The following RBM47 variants were observed in gnomAD, a reference collection of about 807,000 sequenced individuals.
The protein encoded by RBM47 is RNA-binding protein 47.
In RBM47, 21 loss-of-function variants were observed where a neutral mutation model predicts 47.1. The ratio of observed to expected loss-of-function variants is 0.45; its 90% CI spans 0.32 to 0.64. RBM47 has a LOEUF of 0.64. Ranked by LOEUF, RBM47 falls within the 30% of genes least tolerant of loss-of-function variation. The pLI, the probability that RBM47 is intolerant of heterozygous loss-of-function variation, is 0.05. For missense variants in RBM47, 708 were observed against 870.9 expected (o/e 0.81, Z 2.35); for synonymous variants, 375 against 361.7 (o/e 1.04, Z -0.42).
intron 2 of RBM47, among the ~76,000 whole-genome samples, chr4:40,507,966 T>C (rs1464385671): frequency 6.6e-6 from 1 of 151,976 alleles, no homozygotes; most frequent in African/African-American, 2.4e-5. Context: ...CTTGGGAGGC[T>C]GAGGCAGGAG....
At chr4:40,487,752 ATAT>A (rs147386568) in intron 2 of RBM47, among the ~76,000 whole-genome samples, 3,722 of 152,302 alleles carry the variant, frequency 0.024, 108 homozygotes, top group African/African-American at 0.068. Context: ...TGTTATTAAT[ATAT>A]TATTGATTAT....
At chr4:40,507,120 CA>C (rs1330691813) in intron 2 of RBM47, among the ~76,000 whole-genome samples, 1 of 151,848 alleles carries the variant, frequency 6.6e-6, no homozygotes, top group Non-Finnish European at 1.5e-5. Flanking sequence ...CCACATCTGA[CA>C]AATTTGTATA....
intron 3 of RBM47, among the ~76,000 whole-genome samples, chr4:40,448,658 CA>C (rs1714927981): frequency 6.6e-6 from 1 of 152,178 alleles, no homozygotes; most frequent in East Asian, 1.9e-4. Context: ...TCTCCTCAGG[CA>C]AATCACCTTA....
chr4:40,449,839 C>G (rs1241606981), intron 3 of RBM47, among the ~76,000 whole-genome samples: 1 of 150,098 alleles, frequency 6.7e-6, no homozygotes, highest in Non-Finnish European at 1.5e-5. Context: ...CCACCACGCC[C>G]AGCTAAGTTT....
chr4:40,569,534 C>T (rs1028059455), intron 1 of RBM47, among the ~76,000 whole-genome samples: 7 of 151,340 alleles, frequency 4.6e-5, no homozygotes, highest in Admixed American at 6.6e-5. Context: ...CTCAGCCTCC[C>T]GAGTAGCTGG....
chr4:40,521,049 A>C (rs755993815), intron 2 of RBM47, among the ~76,000 whole-genome samples: 18 of 152,194 alleles, frequency 1.2e-4, no homozygotes, highest in Non-Finnish European at 2.1e-4. Context: ...AAAGTATACT[A>C]GTAATTGTGG....
chr4:40,523,469 G>A (rs1726404785), intron 2 of RBM47, among the ~76,000 whole-genome samples: 1 of 152,008 alleles, frequency 6.6e-6, no homozygotes, highest in African/African-American at 2.4e-5. Flanking sequence ...CGGCCAACAT[G>A]GTGAAACCCT....
chr4:40,474,512 A>G (rs1719339602), intron 2 of RBM47, among the ~76,000 whole-genome samples: 1 of 152,236 alleles, frequency 6.6e-6, no homozygotes, highest in Non-Finnish European at 1.5e-5. Flanking sequence ...TCAAAATAAG[A>G]AAATGGAATC....
intron 3 of RBM47, among the ~76,000 whole-genome samples, chr4:40,463,109 A>C (rs1717416275): frequency 6.6e-6 from 1 of 152,230 alleles, no homozygotes; most frequent in Non-Finnish European, 1.5e-5. Context: ...AAAAGCAAAC[A>C]AGCTAATTTA....
intron 1 of RBM47, among the ~76,000 whole-genome samples, chr4:40,611,122 G>C (rs1017132983): frequency 6.6e-6 from 1 of 152,102 alleles, no homozygotes; most frequent in Non-Finnish European, 1.5e-5. Flanking sequence ...TGATGCTACC[G>C]ATTCCTATCA....
chr4:40,596,534 C>T (rs1309116489), intron 1 of RBM47, among the ~76,000 whole-genome samples: 1 of 152,100 alleles, frequency 6.6e-6, no homozygotes, highest in African/African-American at 2.4e-5. Context: ...GTTTGAGTGG[C>T]TACTACTCAA....
intron 2 of RBM47, among the ~76,000 whole-genome samples, chr4:40,479,994 T>TG (rs11454360): frequency 1.3e-5 from 2 of 150,354 alleles, no homozygotes; most frequent in Non-Finnish European, 3.0e-5. Flanking sequence ...TTTTTTTTTT[T>TG]GAGACGGAGT....
chr4:40,609,077 C>A (rs1024411318), intron 1 of RBM47, among the ~76,000 whole-genome samples: 1 of 152,114 alleles, frequency 6.6e-6, no homozygotes, highest in Non-Finnish European at 1.5e-5. Flanking sequence ...CACTGCAGCT[C>A]CGCCTACCGG....
At chr4:40,502,440 C>T (rs188468876) in intron 2 of RBM47, among the ~76,000 whole-genome samples, 1 of 152,148 alleles carries the variant, frequency 6.6e-6, no homozygotes, top group East Asian at 1.9e-4. Context: ...GCTTCCCCAG[C>T]TAAGACAGTG....
chr4:40,487,920 C>A (rs1470286750), intron 2 of RBM47, among the ~76,000 whole-genome samples: 1 of 139,868 alleles, frequency 7.1e-6, no homozygotes, highest in Non-Finnish European at 1.5e-5. Flanking sequence ...TTTCTCTGCA[C>A]CTACAGGGCC....
chr4:40,481,276 C>CTT (rs1236509834), intron 2 of RBM47, among the ~76,000 whole-genome samples: 1 of 119,526 alleles, frequency 8.4e-6, no homozygotes, highest in African/African-American at 3.1e-5. Flanking sequence ...TTGTTTCTTT[C>CTT]TTTTTTTTTT....
At chr4:40,568,419 A>G (rs1731299133) in intron 1 of RBM47, among the ~76,000 whole-genome samples, 1 of 111,810 alleles carries the variant, frequency 8.9e-6, no homozygotes, top group African/African-American at 3.4e-5. Context: ...ACATGGTAAA[A>G]CCCTGTCTCA....
In RBM47 at chr4:40,437,890, C is replaced by G. The variant is rs1463219194; in HGVS notation, c.1004G>C (p.Gly335Ala). Reference sequence around the variant, plus strand: ...GGGCTGCTGCGCTGCCTCAGCCGCGCCGCCGCCCCTGGCTGCCTTCTGGTA... The same window carrying G: ...GGGCTGCTGCGCTGCCTCAGCCGCGGCGCCGCCCCTGGCTGCCTTCTGGTA... ...SRYQKAARGGGAAEAAQQPSY... is the reference protein window; with the variant it reads ...SRYQKAARGGAAAEAAQQPSY... Residue 335 changes from glycine (G) to alanine (A), a missense_variant, in exon 4 of 7, where the codon GGC (glycine) becomes GCC (alanine). Physicochemically the swap from Gly to Ala is moderately conservative, Grantham distance 60. Coordinates refer to ENST00000295971, the MANE Select transcript of RBM47 (RefSeq NM_001098634.2). 1 of 1,613,866 alleles carries G rather than the reference C, an allele frequency of 6.2e-7. No homozygotes were observed. The highest frequency in any genetic ancestry group is 8.5e-7 in the Non-Finnish European group (1 of 1,180,032).
In RBM47 at chr4:40,535,553, T is replaced by C. The variant is rs531006066; in HGVS notation, c.-155+8869A>G. 3.9e-3 allele frequency among the ~76,000 whole-genome samples: 583 copies of C among 150,376 alleles called. 8 individuals are homozygous for C. The highest frequency in any genetic ancestry group is 0.014 in the African/African-American group (562 of 40,938). On this transcript the variant is annotated intron_variant, in intron 2 of 6. Coordinates refer to ENST00000295971, the MANE Select transcript of RBM47 (RefSeq NM_001098634.2). ...CGTCTGGCTAATTTTTGTATTTTTT[T>C]TTTTCGTTTTTGTTTTTGTATTTTT... is the stretch of plus-strand genomic sequence containing the variant.
Sources: gnomAD v4.1 joint callset for allele counts (sites outside exome capture counted in the v4.1 genomes callset) on GRCh38, gnomAD v4.1.1 for gene constraint, MANE v1.5 for transcripts, NCBI Gene and HGNC (gene_info 2026-07-23, HGNC 2026-07-21) for gene names.